ERC2: variants seen among roughly 807,000 people sequenced by gnomAD.
ERC2 encodes ELKS/RAB6-interacting/CAST family member 2.
In ERC2, 42 loss-of-function variants were observed where a neutral mutation model predicts 114.8. The observed-to-expected ratio is 0.37, with a 90% CI of 0.29 to 0.47. ERC2 has a LOEUF of 0.47. ERC2 is among the 20% of genes least tolerant of loss of function. The pLI is 0.99. For missense variants in ERC2, 939 were observed against 1,150.7 expected (o/e 0.82, Z 2.66); for synonymous variants, 454 against 425.5 (o/e 1.07, Z -0.82).
chr3:55,667,660 C>T (rs188565106), intron 17 of ERC2, among the ~76,000 whole-genome samples: 2 of 152,182 alleles, frequency 1.3e-5, no homozygotes, highest in African/African-American at 4.8e-5. Flanking sequence ...AGCAATTACA[C>T]CGTGCCCAGC....
chr3:55,906,505 A>G (rs894523200), intron 13 of ERC2, among the ~76,000 whole-genome samples: 2 of 151,452 alleles, frequency 1.3e-5, no homozygotes, highest in South Asian at 2.1e-4. Flanking sequence ...CTGGAAATGT[A>G]TTTGAATGTA....
intron 14 of ERC2, among the ~76,000 whole-genome samples, chr3:55,749,262 G>C (rs767072351): frequency 6.6e-6 from 1 of 152,148 alleles, no homozygotes; most frequent in Non-Finnish European, 1.5e-5. Flanking sequence ...CTGCAATACC[G>C]ATCTGTTGAA....
chr3:55,674,452 T>A (rs1464032803), intron 17 of ERC2, among the ~76,000 whole-genome samples: 1 of 152,212 alleles, frequency 6.6e-6, no homozygotes, highest in Non-Finnish European at 1.5e-5. Flanking sequence ...TGAGAAAATT[T>A]TTTTCCTGAT....
At chr3:55,705,331 C>T (rs1409512721) in intron 15 of ERC2, among the ~76,000 whole-genome samples, 1 of 152,072 alleles carries the variant, frequency 6.6e-6, no homozygotes, top group Non-Finnish European at 1.5e-5. Context: ...AAGTGGCCCT[C>T]CAATCACCTT....
intron 15 of ERC2, among the ~76,000 whole-genome samples, chr3:55,706,135 TAGCCAGCA>T (rs1559526116): frequency 1.3e-5 from 2 of 152,104 alleles, no homozygotes; most frequent in African/African-American, 4.8e-5. Flanking sequence ...GGTACATAAA[TAGCCAGCA>T]TCCTGGCCCC....
chr3:55,786,907 C>T (rs970342723), intron 14 of ERC2, among the ~76,000 whole-genome samples: 4 of 152,122 alleles, frequency 2.6e-5, no homozygotes, highest in African/African-American at 7.2e-5. Flanking sequence ...TCAGCTAGTG[C>T]CCCAGCCCTT....
intron 12 of ERC2, among the ~76,000 whole-genome samples, chr3:55,962,798 A>G (rs1430456720): frequency 1.3e-5 from 2 of 152,206 alleles, no homozygotes; most frequent in Non-Finnish European, 2.9e-5. Context: ...CTTAACCTCT[A>G]TGCTATGCCA....
At chr3:55,879,012 A>G (rs946506485) in intron 14 of ERC2, among the ~76,000 whole-genome samples, 1 of 151,198 alleles carries the variant, frequency 6.6e-6, no homozygotes, top group Non-Finnish European at 1.5e-5. Flanking sequence ...GGAAAATTCT[A>G]TTGTGGATGT....
chr3:56,122,484 A>G (rs1468667828), intron 6 of ERC2, among the ~76,000 whole-genome samples: 2 of 152,182 alleles, frequency 1.3e-5, no homozygotes, highest in Non-Finnish European at 2.9e-5. Context: ...GACAATGCAA[A>G]TGTAGTTTTG....
At chr3:55,911,451 G>A (rs2064809748) in intron 13 of ERC2, among the ~76,000 whole-genome samples, 1 of 152,012 alleles carries the variant, frequency 6.6e-6, no homozygotes, top group South Asian at 2.1e-4. Context: ...TGCCGCTGAT[G>A]GCAGACTAAG....
chr3:56,238,806 A>G (rs1306935842), intron 3 of ERC2, among the ~76,000 whole-genome samples: 1 of 152,200 alleles, frequency 6.6e-6, no homozygotes. Context: ...AAATCATTAT[A>G]TTTTCATTTA....
At chr3:56,428,622 T>G (rs1191654108) in intron 2 of ERC2, among the ~76,000 whole-genome samples, 1 of 152,000 alleles carries the variant, frequency 6.6e-6, no homozygotes. Context: ...GCAGTAATAA[T>G]AAAGGAAACA....
rs929606768 is a variant in ERC2, at chr3:55,845,311, C to T, written c.2564+43078G>A. Among the ~76,000 whole-genome samples the T allele has an allele frequency of 3.3e-5, 5 of 151,978 alleles. No homozygotes were observed. In the East Asian group the frequency reaches 7.8e-4, roughly 24 times the overall value. ...CGAGGTCAGGAGATCGAGACCATCC[C>T]GGCTAAAACGGTGAAACCCCGTCTC... On this transcript the variant is annotated intron_variant, in intron 14 of 17. Coordinates refer to ENST00000288221, the MANE Select transcript of ERC2 (RefSeq NM_015576.3).
intron 14 of ERC2, among the ~76,000 whole-genome samples, chr3:55,819,939 A>G (rs2149150588): frequency 6.6e-6 from 1 of 152,314 alleles, no homozygotes; most frequent in Admixed American, 6.5e-5. Flanking sequence ...GGCTGCGTGC[A>G]ATGGAGGGGG....
At chr3:56,383,942 A>G (rs1341584963) in intron 2 of ERC2, among the ~76,000 whole-genome samples, 1 of 152,176 alleles carries the variant, frequency 6.6e-6, no homozygotes, top group Non-Finnish European at 1.5e-5. Flanking sequence ...TTTAAGTGCA[A>G]TCAAGCAATA....
chr3:55,743,914 G>C (rs1010305570), intron 14 of ERC2, among the ~76,000 whole-genome samples: 4 of 152,134 alleles, frequency 2.6e-5, no homozygotes, highest in Non-Finnish European at 4.4e-5. Flanking sequence ...GGTGGAGGCA[G>C]GGAACCGAAG....
chr3:55,799,464 T>TATATATATATATGC, intron 14 of ERC2, among the ~76,000 whole-genome samples: 1 of 137,940 alleles, frequency 7.2e-6, no homozygotes, highest in Non-Finnish European at 1.5e-5. Context: ...TATATATATA[T>TATATATATATATGC]ATATATATAT....
At chr3:55,693,311 GGC>G (rs1404642382) in intron 16 of ERC2, among the ~76,000 whole-genome samples, 1 of 152,174 alleles carries the variant, frequency 6.6e-6, no homozygotes, top group Non-Finnish European at 1.5e-5. Context: ...CTAGCACCCT[GGC>G]TGATCTGACA....
chr3:55,862,800 C>T (rs2062088333), intron 14 of ERC2, among the ~76,000 whole-genome samples: 1 of 152,188 alleles, frequency 6.6e-6, no homozygotes, highest in East Asian at 1.9e-4. Context: ...GCAGCAGGAT[C>T]ACACAACACA....
Sources: allele counts gnomAD v4.1 joint callset (sites outside exome capture counted in the v4.1 genomes callset), GRCh38; gene constraint gnomAD v4.1.1; transcripts MANE v1.5; gene names NCBI Gene and HGNC (gene_info 2026-07-23, HGNC 2026-07-21).